The following GABRB1 variants were observed in gnomAD, a reference collection of about 807,000 sequenced individuals.
The protein encoded by GABRB1 is gamma-aminobutyric acid receptor subunit beta-1.
A neutral mutation model predicts 51.6 loss-of-function variants in GABRB1; 17 were observed. The observed-to-expected ratio is 0.33, with a 90% CI of 0.23 to 0.49. The LOEUF (loss-of-function observed/expected upper bound fraction) is 0.49. Among genes scored for constraint, GABRB1 ranks in the 20% least tolerant of loss-of-function variants. GABRB1 has a pLI of 0.99. For synonymous variants in GABRB1, 247 were observed against 218.9 expected (o/e 1.13, Z -1.14); for missense variants, 410 against 600.6 (o/e 0.68, Z 3.32).
intron 4 of GABRB1, among the ~76,000 whole-genome samples, chr4:47,300,706 A>T (rs1393491881): frequency 1.3e-5 from 2 of 152,080 alleles, no homozygotes; most frequent in Non-Finnish European, 2.9e-5. Flanking sequence ...TACAGGCACA[A>T]AGACACTTAG....
intron 4 of GABRB1, among the ~76,000 whole-genome samples, chr4:47,279,804 T>C (rs1238584945): frequency 2.0e-5 from 3 of 152,002 alleles, no homozygotes; most frequent in Non-Finnish European, 4.4e-5. Flanking sequence ...TGTGTGTCCT[T>C]AGAGATGAAG....
At chr4:47,277,024 A>T (rs780596544) in intron 4 of GABRB1, among the ~76,000 whole-genome samples, 1 of 152,132 alleles carries the variant, frequency 6.6e-6, no homozygotes, top group African/African-American at 2.4e-5. Context: ...CCTTGAACTT[A>T]GATGGGAAAA....
intron 4 of GABRB1, among the ~76,000 whole-genome samples, chr4:47,187,327 A>T (rs1719222849): frequency 6.6e-6 from 1 of 151,858 alleles, no homozygotes; most frequent in Admixed American, 6.6e-5. Context: ...CTTAGGGATG[A>T]TTACAAACTA....
chr4:47,167,769 C>T (rs1718254946), intron 4 of GABRB1, among the ~76,000 whole-genome samples: 1 of 152,074 alleles, frequency 6.6e-6, no homozygotes, highest in Admixed American at 6.6e-5. Context: ...CTCCCGTGCC[C>T]ACTTTCTCTC....
At chr4:47,224,953 G>A (rs1416234587) in intron 4 of GABRB1, among the ~76,000 whole-genome samples, 1 of 152,084 alleles carries the variant, frequency 6.6e-6, no homozygotes, top group Admixed American at 6.6e-5. Flanking sequence ...GGAGTGCAAT[G>A]GTGCAATCTC....
At chr4:47,344,391 A>T (rs1474939977) in intron 5 of GABRB1, among the ~76,000 whole-genome samples, 2 of 152,188 alleles carry the variant, frequency 1.3e-5, no homozygotes, top group Admixed American at 6.5e-5. Context: ...TGCCATCATG[A>T]TATTATATGG....
chr4:47,345,421 GT>G (rs558957266), intron 5 of GABRB1, among the ~76,000 whole-genome samples: 5 of 152,144 alleles, frequency 3.3e-5, no homozygotes, highest in Non-Finnish European at 1.5e-5. Context: ...GGTAAAGAGA[GT>G]TTTTTTGAGA....
intron 5 of GABRB1, among the ~76,000 whole-genome samples, chr4:47,393,443 C>T (rs569809822): frequency 2.0e-5 from 3 of 152,192 alleles, no homozygotes; most frequent in African/African-American, 7.2e-5. Context: ...GGACTGTGAC[C>T]AGTGGCCATA....
intron 4 of GABRB1, among the ~76,000 whole-genome samples, chr4:47,183,738 T>C (rs533851272): frequency 3.3e-5 from 5 of 151,986 alleles, no homozygotes; most frequent in African/African-American, 1.2e-4. Flanking sequence ...CATGAACTCA[T>C]GGCTACCTTC....
chr4:47,382,431 C>T (rs1727627673), intron 5 of GABRB1, among the ~76,000 whole-genome samples: 1 of 152,146 alleles, frequency 6.6e-6, no homozygotes, highest in Non-Finnish European at 1.5e-5. Context: ...ACATGTGATG[C>T]CTATGTACTT....
At chr4:47,019,657 T>C (rs1349623341) in intron 1 of GABRB1, among the ~76,000 whole-genome samples, 1 of 144,240 alleles carries the variant, frequency 6.9e-6, no homozygotes, top group Admixed American at 7.2e-5. Flanking sequence ...CTTTCTTTCT[T>C]TCTTTCTTTC....
chr4:47,254,361 GTTTTTTTTTTT>G (rs56838956), intron 4 of GABRB1, among the ~76,000 whole-genome samples: 7 of 80,966 alleles, frequency 8.6e-5, no homozygotes, highest in South Asian at 8.4e-4. Context: ...TCTTTTCTTT[GTTTTTTTTTTT>G]TTTTTTTTTT....
chr4:47,377,894 A>C (rs1428890307), intron 5 of GABRB1, among the ~76,000 whole-genome samples: 1 of 152,082 alleles, frequency 6.6e-6, no homozygotes, highest in Non-Finnish European at 1.5e-5. Flanking sequence ...CTAGATACAG[A>C]GTGCCGATTG....
At chr4:47,361,728 G>A (rs1726813209) in intron 5 of GABRB1, among the ~76,000 whole-genome samples, 1 of 152,142 alleles carries the variant, frequency 6.6e-6, no homozygotes, top group South Asian at 2.1e-4. Context: ...ATTAGATACT[G>A]GAGAAAAGGA....
At chr4:47,108,361 C>G (rs1001778185) in intron 3 of GABRB1, among the ~76,000 whole-genome samples, 4 of 151,968 alleles carry the variant, frequency 2.6e-5, no homozygotes, top group Non-Finnish European at 5.9e-5. Flanking sequence ...CTTTGACAAA[C>G]CTTCCGGAGT....
chr4:47,017,632 T>TCACACACA (rs151056923), intron 1 of GABRB1, among the ~76,000 whole-genome samples: 1 of 150,436 alleles, frequency 6.6e-6, no homozygotes, highest in Non-Finnish European at 1.5e-5. Context: ...TTTTTCACAC[T>TCACACACA]CACACACACA....
chr4:47,076,264 G>A (rs989928139), intron 3 of GABRB1, among the ~76,000 whole-genome samples: 1 of 152,174 alleles, frequency 6.6e-6, no homozygotes, highest in Non-Finnish European at 1.5e-5. Flanking sequence ...TGGAAATCTT[G>A]CTCTCAAAAA....
chr4:47,056,053 A>G (rs1448864209), intron 3 of GABRB1, among the ~76,000 whole-genome samples: 7 of 152,186 alleles, frequency 4.6e-5, no homozygotes, highest in Non-Finnish European at 8.8e-5. Flanking sequence ...AATGGTTTCT[A>G]TTACACCTTG....
At chr4:47,420,091 A>G in intron 8 of GABRB1, among the ~76,000 whole-genome samples, 1 of 152,210 alleles carries the variant, frequency 6.6e-6, no homozygotes, top group Non-Finnish European at 1.5e-5. Flanking sequence ...CTAATCAGAA[A>G]CAGACTTACC....
Sources: gnomAD v4.1 joint callset for allele counts (sites outside exome capture counted in the v4.1 genomes callset) on GRCh38, gnomAD v4.1.1 for gene constraint, MANE v1.5 for transcripts, NCBI Gene and HGNC (gene_info 2026-07-23, HGNC 2026-07-21) for gene names.